The following PDE11A variants were observed in gnomAD, a reference collection of about 807,000 sequenced individuals.
PDE11A encodes phosphodiesterase 11A, also known as dual 3',5'-cyclic-AMP and -GMP phosphodiesterase 11A.
In PDE11A, 100 loss-of-function variants were observed where a neutral mutation model predicts 100.5. The ratio of observed to expected loss-of-function variants is 1.00; its 90% CI spans 0.85 to 1.18. The LOEUF is 1.18. Ranked by LOEUF, PDE11A falls within the 50% of genes most tolerant of loss-of-function variation. The pLI, the probability that PDE11A is intolerant of heterozygous loss-of-function variation, is 0.00. For missense variants in PDE11A, 1,141 were observed against 1,152.6 expected (o/e 0.99, Z 0.15); for synonymous variants, 381 against 420.8 (o/e 0.91, Z 1.16).
At chr2:177,858,157 T>C (rs1050629055) in intron 5 of PDE11A, among the ~76,000 whole-genome samples, 28 of 152,018 alleles carry the variant, frequency 1.8e-4, no homozygotes, top group African/African-American at 5.8e-4. Flanking sequence ...GAAGAAAACC[T>C]AGGCAATACC....
chr2:177,780,418 T>A (rs1413136376), intron 9 of PDE11A, among the ~76,000 whole-genome samples: 3 of 152,064 alleles, frequency 2.0e-5, no homozygotes, highest in Admixed American at 6.5e-5. Context: ...GCCCGAGGAT[T>A]TTCAAAATGG....
At chr2:177,743,966 A>G (rs2081911805) in intron 10 of PDE11A, among the ~76,000 whole-genome samples, 1 of 152,182 alleles carries the variant, frequency 6.6e-6, no homozygotes, top group African/African-American at 2.4e-5. Flanking sequence ...TCAGAAAGAA[A>G]GATAAGCTTG....
chr2:177,839,350 G>A (rs2083451272), intron 6 of PDE11A, among the ~76,000 whole-genome samples: 1 of 152,214 alleles, frequency 6.6e-6, no homozygotes, highest in Non-Finnish European at 1.5e-5. Flanking sequence ...AAGTTTAACT[G>A]TTCAGTTGTT....
intron 4 of PDE11A, 116 bp from the exon 5 acceptor site, chr2:177,876,039 A>AT (rs2084235406): frequency 2.7e-6 from 2 of 731,562 alleles, no homozygotes; most frequent in Non-Finnish European, 4.9e-6. Context: ...TTATAGAGAG[A>AT]TTTTTAAGTG....
intron 13 of PDE11A, among the ~76,000 whole-genome samples, chr2:177,702,911 C>T (rs1031114354): frequency 5.3e-5 from 8 of 151,956 alleles, no homozygotes; most frequent in Admixed American, 2.0e-4. Flanking sequence ...ATTTGCTAGG[C>T]GAATCTTAGT....
chr2:178,091,032 G>A (rs530393486), intron 2 of PDE11A, among the ~76,000 whole-genome samples: 74 of 152,280 alleles, frequency 4.9e-4, no homozygotes, highest in African/African-American at 1.8e-3. Flanking sequence ...AACTCTGTTA[G>A]GACATCTTCA....
chr2:178,036,828 A>G (rs916012967), intron 1 of PDE11A, among the ~76,000 whole-genome samples: 5 of 152,120 alleles, frequency 3.3e-5, no homozygotes, highest in Admixed American at 2.0e-4. Context: ...TATGCAGAAA[A>G]CAGAAACTGG....
In PDE11A at chr2:177,820,266, T is replaced by A. The variant is rs752878626; in HGVS notation, c.1530A>T (p.Arg510Ser). 4 of 1,593,444 alleles carry A rather than the reference T, an allele frequency of 2.5e-6. No individual in the cohort carries two copies. The highest frequency in any genetic ancestry group is 3.4e-6 in the Non-Finnish European group (4 of 1,161,778). ...EADQISGFHI[R>S]SVLCVPIWNS... ...TCCAAATAGGGACACAAAGAACAGA[T>A]CTTATGTGAAAACCAGATATCTGGT... Residue 510 changes from arginine (R) to serine (S), a missense_variant, in exon 7 of 20, where the codon AGA becomes AGT. Physicochemically the swap from Arg to Ser is moderately radical, Grantham distance 110. Coordinates refer to ENST00000286063, the MANE Select transcript of PDE11A (RefSeq NM_016953.4).
chr2:177,998,067 C>T, intron 2 of PDE11A: 1 of 1,303,576 alleles, frequency 7.7e-7, no homozygotes, highest in Non-Finnish European at 1.1e-6. Context: ...AGAGCCTGCC[C>T]ACACACTCAG....
chr2:178,072,182 G>T lies in PDE11A; in HGVS notation c.256C>A (p.Pro86Thr). Residue 86 changes from proline (P) to threonine (T), a missense_variant, in exon 1 of 20, where the codon CCC becomes ACC. Pro to Thr is a conservative substitution (Grantham distance 38). Coordinates refer to ENST00000286063, the MANE Select transcript of PDE11A (RefSeq NM_016953.4). ...CCACAGTCCCCGCCACCGGGAAGGG[G>T]CTGGCTGTGGGCAGAGCCATTTGGT... ...TGPNGSAHSQ[P>T]LPGGGDCGGV... The T allele has an allele frequency of 6.2e-7, 1 of 1,613,906 alleles. No homozygotes were observed. Among genetic ancestry groups the T allele is most frequent in the Non-Finnish European group, 8.5e-7 (1 of 1,179,918 alleles).
intron 10 of PDE11A, among the ~76,000 whole-genome samples, chr2:177,751,809 T>C (rs1329206299): frequency 6.6e-6 from 1 of 152,226 alleles, no homozygotes; most frequent in Non-Finnish European, 1.5e-5. Context: ...AACAGGCATT[T>C]AATATTTATT....
intron 19 of PDE11A, among the ~76,000 whole-genome samples, chr2:177,654,787 A>G (rs2080357695): frequency 6.6e-6 from 1 of 152,238 alleles, no homozygotes; most frequent in Non-Finnish European, 1.5e-5. Flanking sequence ...CCTCAACAGC[A>G]GAGTTTTTAA....
intron 19 of PDE11A, among the ~76,000 whole-genome samples, chr2:177,630,942 TG>T (rs1252923982): frequency 2.6e-5 from 4 of 152,164 alleles, no homozygotes; most frequent in Middle Eastern, 3.2e-3. Context: ...CATGAGGTTT[TG>T]GGGGGTTGTT....
chr2:177,830,056 A>C (rs1425654561), intron 6 of PDE11A, among the ~76,000 whole-genome samples: 1 of 152,136 alleles, frequency 6.6e-6, no homozygotes, highest in African/African-American at 2.4e-5. Flanking sequence ...ACATTCTAGG[A>C]CTCAAGGGCA....
chr2:177,759,156 G>A (rs1476878720), intron 10 of PDE11A, among the ~76,000 whole-genome samples: 2 of 148,490 alleles, frequency 1.3e-5, no homozygotes, highest in Admixed American at 6.7e-5. Context: ...TGACTATCCC[G>A]TTAAGTTGGA....
At chr2:177,801,311 C>T (rs116683775) in intron 9 of PDE11A, among the ~76,000 whole-genome samples, 3,854 of 152,152 alleles carry the variant, frequency 0.025, 152 homozygotes, top group African/African-American at 0.088. Context: ...TTGTCTACTG[C>T]CTGTCTTACT....
At chr2:177,751,220 T>A (rs573173403) in intron 10 of PDE11A, among the ~76,000 whole-genome samples, 3 of 151,574 alleles carry the variant, frequency 2.0e-5, no homozygotes, top group African/African-American at 7.3e-5. Flanking sequence ...GATCTTGGAG[T>A]TTTAGCTGAT....
At chr2:177,799,171 A>G (rs2082748713) in intron 9 of PDE11A, among the ~76,000 whole-genome samples, 1 of 152,182 alleles carries the variant, frequency 6.6e-6, no homozygotes, top group South Asian at 2.1e-4. Context: ...AAGGTCAACA[A>G]AATTGAAAAG....
At chr2:177,879,931 G>C (rs1458082419) in intron 4 of PDE11A, among the ~76,000 whole-genome samples, 1 of 152,106 alleles carries the variant, frequency 6.6e-6, no homozygotes, top group Non-Finnish European at 1.5e-5. Flanking sequence ...AGAAAAATAG[G>C]GACAAAACTT....
Sources: allele counts gnomAD v4.1 joint callset (sites outside exome capture counted in the v4.1 genomes callset), GRCh38; gene constraint gnomAD v4.1.1; transcripts MANE v1.5; gene names NCBI Gene and HGNC (gene_info 2026-07-23, HGNC 2026-07-21).